ST3GAL4: variants seen among roughly 807,000 people sequenced by gnomAD.
ST3GAL4 encodes ST3 beta-galactoside alpha-2,3-sialyltransferase 4.
In ST3GAL4, 24 loss-of-function variants were observed where a neutral mutation model predicts 42.6. The observed-to-expected ratio is 0.56, with a 90% CI of 0.41 to 0.79. The LOEUF (loss-of-function observed/expected upper bound fraction) is 0.79, where lower values mean the gene tolerates loss of function less well. Ranked by LOEUF, ST3GAL4 falls within the 30% of genes least tolerant of loss-of-function variation. The pLI, the probability that ST3GAL4 is intolerant of heterozygous loss-of-function variation, is 0.00. For missense variants in ST3GAL4, 311 were observed against 430.8 expected (o/e 0.72, Z 2.46); for synonymous variants, 135 against 163.2 (o/e 0.83, Z 1.32).
intron 1 of ST3GAL4, among the ~76,000 whole-genome samples, chr11:126,385,984 C>A (rs374338597): frequency 6.6e-6 from 1 of 152,172 alleles, no homozygotes; most frequent in Non-Finnish European, 1.5e-5. Flanking sequence ...GCCTCCCTGG[C>A]ACCCCCTTTC....
In ST3GAL4 at chr11:126,413,356, C is replaced by T. The variant is rs1591501279; in HGVS notation, c.772-149C>T. On this transcript the variant is annotated intron_variant, in intron 9 of 10. Coordinates refer to ENST00000444328, the MANE Select transcript of ST3GAL4 (RefSeq NM_001254757.2). ...TCCTCAGCTGCACTGGCCCCATTTG[C>T]GTGCTCGTTAGCTCGTGGCTTGTCT... The T allele has an allele frequency of 1.9e-5, 16 of 857,144 alleles. No individual in the cohort carries two copies. In the East Asian group the frequency reaches 2.5e-4, roughly 13 times the overall value. 53.1% of individuals were successfully genotyped at this position (857,144 alleles called of 1,614,324 possible).
chr11:126,399,965 T>G (rs922605116), intron 1 of ST3GAL4, among the ~76,000 whole-genome samples: 1 of 152,144 alleles, frequency 6.6e-6, no homozygotes, highest in Non-Finnish European at 1.5e-5. Context: ...CTACAGATCT[T>G]CTAATCCCGC....
chr11:126,406,139 G>A lies in ST3GAL4; in HGVS notation c.-17G>A. On this transcript the variant is annotated 5_prime_UTR_variant, in exon 2 of 11. Coordinates refer to ENST00000444328, the MANE Select transcript of ST3GAL4 (RefSeq NM_001254757.2). This position sits in a 1 kb window ranked among gnomAD's most constrained non-coding sequence, Gnocchi z 5.4. ...GATGACAGCTCTCCCCAGGAATCCT[G>A]CTGCCTGCTGAGAAACATGGTCAGC... is the stretch of plus-strand genomic sequence containing the variant. 6.4e-7 allele frequency: 1 copy of A among 1,553,272 alleles called. No homozygotes were observed. The highest frequency in any genetic ancestry group is 8.7e-7 in the Non-Finnish European group (1 of 1,147,892).
chr11:126,414,163 G>A lies in ST3GAL4; in HGVS notation c.*116G>A. On this transcript the variant is annotated 3_prime_UTR_variant, in exon 11 of 11. Coordinates refer to ENST00000444328, the MANE Select transcript of ST3GAL4 (RefSeq NM_001254757.2). ...CCCACTTGGACTCACCCCCTCTTGG[G>A]GAGGGAGTTCTGGGCCTGGCCAGGT... The A allele has an allele frequency of 2.0e-6, 2 of 1,010,092 alleles. No homozygotes were observed. Among genetic ancestry groups the A allele is most frequent in the Non-Finnish European group, 3.1e-6 (2 of 645,050 alleles). The allele number at this position is 1,010,092 out of a possible 1,614,324, so 62.6% of individuals were successfully genotyped here. A position where few individuals can be genotyped will look rare whatever the true frequency, so the allele number is the denominator to read the frequency against.
At position 126,414,094 on chromosome 11, in the gene ST3GAL4, G is replaced by A; in HGVS notation, c.*47G>A. The A allele has an allele frequency of 1.3e-6, 2 of 1,599,346 alleles. No individual in the cohort carries two copies. Among genetic ancestry groups the A allele is most frequent in the Non-Finnish European group, 1.7e-6 (2 of 1,166,626 alleles). ...GTCGGTTGCCTACTCTGCTGTCTGG[G>A]TGACCCCCATGCGTGGCTGTGGGGG... On this transcript the variant is annotated 3_prime_UTR_variant, in exon 11 of 11. Transcript: ENST00000444328.
intron 1 of ST3GAL4, among the ~76,000 whole-genome samples, chr11:126,377,479 C>CTTTTTTT (rs59029262): frequency 8.5e-6 from 1 of 117,640 alleles, no homozygotes; most frequent in African/African-American, 3.2e-5. Context: ...CCAACACCTT[C>CTTTTTTT]TTTTTTTTTT....
chr11:126,406,821 T>G lies in ST3GAL4; in HGVS notation c.102-122T>G, dbSNP rs1954253904. 10 of 1,031,470 alleles carry G rather than the reference T, an allele frequency of 9.7e-6. No individual in the cohort carries two copies. In the Admixed American group the frequency reaches 1.6e-4, roughly 17 times the overall value. 63.9% of individuals were successfully genotyped at this position (1,031,470 alleles called of 1,614,324 possible). ...ACTTGGGTTCCAAGTGGAACTTAAC[T>G]TGAGATGATTCCTCCCCGGCACCTT... On this transcript the variant is annotated intron_variant, in intron 3 of 10. Transcript: ENST00000444328. The surrounding 1 kb of genome is among the most constrained non-coding windows in gnomAD (Gnocchi z 5.4).
rs570807099 is a variant in ST3GAL4 at position 126,392,237 on chromosome 11, TAGGA to T, written c.-60-13850_-60-13847del. The T allele has an allele frequency of 3.0e-4, 254 of 859,094 alleles. No individual in the cohort carries two copies. Among genetic ancestry groups the T allele is most frequent in the Non-Finnish European group, 3.4e-4 (244 of 714,498 alleles). 53.2% of individuals were successfully genotyped at this position (859,094 alleles called of 1,614,324 possible). A position where few individuals can be genotyped will look rare whatever the true frequency, so the allele number is the denominator to read the frequency against. The stretch of plus-strand genomic sequence containing the variant: ...TTGACCCCCGTTAGGAGGAAGTAAG[TAGGA>T]AGGAAGGAGATTTCCTGGGTATTAG... On this transcript the variant is annotated intron_variant, in intron 1 of 10. Transcript: ENST00000444328. This position sits in a 1 kb window ranked among gnomAD's most constrained non-coding sequence, Gnocchi z 5.8.
chr11:126,402,364 G>A (rs1291612088), intron 1 of ST3GAL4, among the ~76,000 whole-genome samples: 5 of 150,748 alleles, frequency 3.3e-5, no homozygotes, highest in African/African-American at 1.2e-4. Context: ...GCTGAGGCAC[G>A]AGAATCATTT....
intron 1 of ST3GAL4, among the ~76,000 whole-genome samples, chr11:126,371,062 C>T (rs1049577703): frequency 4.0e-5 from 6 of 151,492 alleles, no homozygotes; most frequent in Non-Finnish European, 7.4e-5. Flanking sequence ...CAAGTGTGAA[C>T]CTTATCCCAT....
At position 126,396,992 on chromosome 11, in the gene ST3GAL4, A is replaced by G. The variant is rs1057026893; in HGVS notation, c.-60-9104A>G. Among the ~76,000 whole-genome samples, 2 of 152,092 alleles carry G rather than the reference A, an allele frequency of 1.3e-5. No homozygotes were observed. The highest frequency in any genetic ancestry group is 2.9e-5 in the Non-Finnish European group (2 of 68,034). On this transcript the variant is annotated intron_variant, in intron 1 of 10. Coordinates refer to ENST00000444328, the MANE Select transcript of ST3GAL4 (RefSeq NM_001254757.2). This position sits in a 1 kb window ranked among gnomAD's most constrained non-coding sequence, Gnocchi z 5.8. ...GAAGAGGGATTTCCTACTGGTGTCT[A>G]GTAGGTAGAGGCCAGAGATGGCTGC...
At position 126,407,064 on chromosome 11, in the gene ST3GAL4, G is replaced by A. The variant is rs77689136; in HGVS notation, c.182+41G>A. The A allele has an allele frequency of 3.2e-3, 5,054 of 1,590,414 alleles. 8 individuals carry two copies. The highest frequency in any genetic ancestry group is 3.7e-3 in the Non-Finnish European group (4,281 of 1,158,614). ...TGAGGAGGGTAGAGCAGGGCATGGA[G>A]CGAGCTGGGATTGAGGGTTTCACAG... On this transcript the variant is annotated intron_variant, in intron 4 of 10. Coordinates refer to ENST00000444328, the MANE Select transcript of ST3GAL4 (RefSeq NM_001254757.2).
At chr11:126,408,564 G>A (rs759014294) in intron 8 of ST3GAL4, 68 bp downstream of exon 8, 27 of 1,554,856 alleles carry the variant, frequency 1.7e-5, no homozygotes, top group Admixed American at 6.9e-5. Context: ...AGGACCTCAC[G>A]CTCCTTGATG....
At chr11:126,357,306 A>T (rs1038143712) in intron 1 of ST3GAL4, among the ~76,000 whole-genome samples, 1 of 152,160 alleles carries the variant, frequency 6.6e-6, no homozygotes, top group Non-Finnish European at 1.5e-5. Flanking sequence ...GCTTGCCAGG[A>T]GTTGGGGCCA....
intron 1 of ST3GAL4, among the ~76,000 whole-genome samples, chr11:126,371,162 C>CATTTTTTTTTTTTTTTTTT (rs1565397186): frequency 3.4e-5 from 1 of 29,120 alleles, no homozygotes; most frequent in African/African-American, 1.8e-4. Context: ...TCCCCACATT[C>CATTTTTTTTTTTTTTTTTT]CTTTTTTTTT....
chr11:126,383,270 C>T lies in ST3GAL4; in HGVS notation c.-60-22826C>T, dbSNP rs1435252802. Reference sequence around the variant, plus strand: ...GAGCCCAGGATTCCCCTTTCCGTGACTTTGGAGGAACGAGGTTCCTGAGGG... The same window carrying T: ...GAGCCCAGGATTCCCCTTTCCGTGATTTTGGAGGAACGAGGTTCCTGAGGG... On this transcript the variant is annotated intron_variant, in intron 1 of 10. Transcript: ENST00000444328. The surrounding 1 kb of genome is among the most constrained non-coding windows in gnomAD (Gnocchi z 4.5). 6.6e-6 allele frequency among the ~76,000 whole-genome samples: 1 copy of T among 152,174 alleles called. No homozygotes were observed. The highest frequency in any genetic ancestry group is 2.4e-5 in the African/African-American group (1 of 41,444).
In ST3GAL4 at chr11:126,393,533, C is replaced by G. The variant is rs926368147; in HGVS notation, c.-60-12563C>G. ...ACTTTGATGTGCTTTGACTGCACATCAGAGTCAAACGAGTCAGAATAAGCG... is the reference window on the plus strand; with the variant it reads ...ACTTTGATGTGCTTTGACTGCACATGAGAGTCAAACGAGTCAGAATAAGCG... On this transcript the variant is annotated intron_variant, in intron 1 of 10. Transcript: ENST00000444328. This position sits in a 1 kb window ranked among gnomAD's most constrained non-coding sequence, Gnocchi z 5.9. 5.9e-5 allele frequency among the ~76,000 whole-genome samples: 9 copies of G among 152,188 alleles called. No homozygotes were observed. Among genetic ancestry groups the G allele is most frequent in the Non-Finnish European group, 8.8e-5 (6 of 68,034 alleles).
intron 6 of ST3GAL4, 69 bp downstream of exon 6, chr11:126,407,703 C>T: frequency 7.0e-7 from 1 of 1,435,296 alleles, no homozygotes; most frequent in South Asian, 1.2e-5. Context: ...GCTCCCCCCA[C>T]TCCCCACCCC....
chr11:126,414,053 G>T lies in ST3GAL4; in HGVS notation c.*6G>T, dbSNP rs754977042. ...AGAACCTCACGTCCTTCTGACCTGG[G>T]CAAGAGCTGTAGCCTGTCGGTTGCC... On this transcript the variant is annotated 3_prime_UTR_variant, in exon 11 of 11. Transcript: ENST00000444328. The T allele has an allele frequency of 3.7e-6, 6 of 1,614,198 alleles. No homozygotes were observed. The highest frequency in any genetic ancestry group is 5.1e-6 in the Non-Finnish European group (6 of 1,179,990).
Sources: allele counts gnomAD v4.1 joint callset (sites outside exome capture counted in the v4.1 genomes callset), GRCh38; gene constraint gnomAD v4.1.1; non-coding constraint Gnocchi (gnomAD v3.1); transcripts MANE v1.5; gene names NCBI Gene and HGNC (gene_info 2026-07-23, HGNC 2026-07-21).